The following CYSLTR2 variants were observed in gnomAD, a reference collection of about 807,000 sequenced individuals.
The protein encoded by CYSLTR2 is cysteinyl leukotriene receptor 2.
For synonymous variants in CYSLTR2, 179 were observed against 160.8 expected, an observed-to-expected ratio of 1.11 and a Z score of -0.86; for missense variants, 398 against 411.9, an observed-to-expected ratio of 0.97 and a Z score of 0.29.
chr13:48,693,070 AG>A (rs1336985306), intron 2 of CYSLTR2, among the ~76,000 whole-genome samples: 4 of 151,724 alleles, frequency 2.6e-5, no homozygotes, highest in Non-Finnish European at 5.9e-5. Context: ...AAAATTATAA[AG>A]GCATTTATTA....
chr13:48,708,124 A>C lies in CYSLTR2; in HGVS notation c.*266A>C. On this transcript the variant is annotated 3_prime_UTR_variant, in exon 5 of 5. Coordinates refer to ENST00000682523, the MANE Select transcript of CYSLTR2 (RefSeq NM_001308476.3). ...CAGACTGGGAAAAAATGCAAAGCAC[A>C]TTGGATCCTACTTTTCTTCAGATAT... 1 of 315,410 alleles carries C rather than the reference A, an allele frequency of 3.2e-6. No individual in the cohort carries two copies. Among genetic ancestry groups the C allele is most frequent in the Non-Finnish European group, 6.1e-6 (1 of 162,858 alleles). The allele number at this position is 315,410 out of a possible 1,614,324, so 19.5% of individuals were successfully genotyped here. A position where few individuals can be genotyped will look rare whatever the true frequency, so the allele number is the denominator to read the frequency against.
chr13:48,693,803 C>A (rs567099766), intron 3 of CYSLTR2, among the ~76,000 whole-genome samples: 1 of 152,322 alleles, frequency 6.6e-6, no homozygotes, highest in Admixed American at 6.5e-5. Context: ...GGGGCTATCA[C>A]CAACTTTAAA....
chr13:48,678,996 A>G, intron 1 of CYSLTR2, among the ~76,000 whole-genome samples: 1 of 152,034 alleles, frequency 6.6e-6, no homozygotes, highest in South Asian at 2.1e-4. Flanking sequence ...TGCTCTCCAC[A>G]TTTCAGAGGC....
chr13:48,681,056 A>G (rs959803324), intron 1 of CYSLTR2, among the ~76,000 whole-genome samples: 4 of 151,992 alleles, frequency 2.6e-5, no homozygotes, highest in African/African-American at 7.3e-5. Flanking sequence ...TGCTCTCAGT[A>G]TCAATGCCTC....
chr13:48,666,199 T>A (rs1485493075), intron 1 of CYSLTR2, among the ~76,000 whole-genome samples: 1 of 152,176 alleles, frequency 6.6e-6, no homozygotes, highest in Non-Finnish European at 1.5e-5. Context: ...AGGTTTTTTC[T>A]TTTGGTATGT....
Position 48,690,590 on chromosome 13 carries a change from G to A in CYSLTR2, c.-265-622G>A, listed in dbSNP as rs192547868. 5.9e-5 allele frequency among the ~76,000 whole-genome samples: 9 copies of A among 152,204 alleles called. No homozygotes were observed. In the East Asian group the frequency reaches 1.7e-3, roughly 29 times the overall value. ...TGCATATGTTGAACCAGTCTTGCATGCCAGGGCTGAAGCCAACTGGATCGT... is the reference window on the plus strand; with the variant it reads ...TGCATATGTTGAACCAGTCTTGCATACCAGGGCTGAAGCCAACTGGATCGT... On this transcript the variant is annotated intron_variant, in intron 1 of 4. Coordinates refer to ENST00000682523, the MANE Select transcript of CYSLTR2 (RefSeq NM_001308476.3).
At chr13:48,683,555 G>A (rs907429944) in intron 1 of CYSLTR2, among the ~76,000 whole-genome samples, 8 of 151,726 alleles carry the variant, frequency 5.3e-5, no homozygotes, top group African/African-American at 1.2e-4. Context: ...GTTTCTGTTC[G>A]TGTCCTTTGT....
chr13:48,670,534 A>G (rs1953397298), intron 1 of CYSLTR2, among the ~76,000 whole-genome samples: 2 of 152,222 alleles, frequency 1.3e-5, no homozygotes, highest in Admixed American at 1.3e-4. Flanking sequence ...TTAAATAGGA[A>G]ATCCCTTCCC....
At chr13:48,689,450 C>A (rs949012527) in intron 1 of CYSLTR2, among the ~76,000 whole-genome samples, 34 of 152,160 alleles carry the variant, frequency 2.2e-4, no homozygotes, top group Middle Eastern at 3.4e-3. Flanking sequence ...AGGAAGGAGT[C>A]CAGGTTCAGT....
At position 48,706,999 on chromosome 13, in the gene CYSLTR2, A is replaced by T. The variant is rs187430691; in HGVS notation, c.182A>T (p.Tyr61Phe). ...WGVLGNGLSI[Y>F]VFLQPYKKST... ...GTCTTGGGAAATGGGTTGTCCATAT[A>T]TGTTTTCCTGCAGCCTTATAAGAAG... Residue 61 changes from tyrosine (Y) to phenylalanine (F), a missense_variant, in exon 5 of 5, where the codon TAT (tyrosine) becomes TTT (phenylalanine). By Grantham distance (22) the Tyr-to-Phe change is conservative. Transcript: ENST00000682523. 6.2e-7 allele frequency: 1 copy of T among 1,614,120 alleles called. No individual in the cohort carries two copies. The highest frequency in any genetic ancestry group is 1.3e-5 in the African/African-American group (1 of 75,014).
intron 4 of CYSLTR2, among the ~76,000 whole-genome samples, chr13:48,698,109 C>A (rs894661960): frequency 2.0e-5 from 3 of 152,152 alleles, no homozygotes; most frequent in African/African-American, 7.2e-5. Flanking sequence ...AGGATATTAT[C>A]CAGGAGAACT....
intron 4 of CYSLTR2, 61 bp from the exon 5 acceptor site, chr13:48,706,756 G>A: frequency 1.5e-6 from 2 of 1,346,926 alleles, no homozygotes; most frequent in Admixed American, 2.0e-5. Flanking sequence ...TAATCAGTAA[G>A]CAAGAAGGAA....
In CYSLTR2 at chr13:48,705,606, AATATATATGTATATAAAGATATAC is replaced by A. The variant is rs779706597; in HGVS notation, c.-1-1202_-1-1179del. On this transcript the variant is annotated intron_variant, in intron 4 of 4. Transcript: ENST00000682523. ...TCTAGGTATTTCTCTCTATATATATAATATATATGTATATAAAGATATACATATATATATATCTTATGATAGTCT... is the reference window on the plus strand; with the variant it reads ...TCTAGGTATTTCTCTCTATATATATAATATATATATATCTTATGATAGTCT... 1.1e-3 allele frequency among the ~76,000 whole-genome samples: 163 copies of A among 148,758 alleles called. 1 individual carries two copies. Among genetic ancestry groups the A allele is most frequent in the Non-Finnish European group, 1.9e-3 (128 of 67,304 alleles).
intron 4 of CYSLTR2, among the ~76,000 whole-genome samples, chr13:48,700,322 C>T (rs553811663): frequency 2.6e-4 from 40 of 152,234 alleles, no homozygotes; most frequent in African/African-American, 8.9e-4. Context: ...TTATCCACCA[C>T]GATCAAGTTG....
At chr13:48,701,663 C>T (rs1355367520) in intron 4 of CYSLTR2, among the ~76,000 whole-genome samples, 1 of 152,138 alleles carries the variant, frequency 6.6e-6, no homozygotes, top group Non-Finnish European at 1.5e-5. Flanking sequence ...TGAAAAAATG[C>T]TCATCATCAC....
At chr13:48,657,944 G>A (rs1368188063) in intron 1 of CYSLTR2, among the ~76,000 whole-genome samples, 1 of 152,018 alleles carries the variant, frequency 6.6e-6, no homozygotes, top group African/African-American at 2.4e-5. Flanking sequence ...GAATAACATT[G>A]TATCCCAGAT....
intron 4 of CYSLTR2, chr13:48,706,543 T>A (rs1240302301): frequency 5.4e-6 from 2 of 370,182 alleles, no homozygotes; most frequent in African/African-American, 4.1e-5. Context: ...GTCAACAGGG[T>A]CAGTAGGTCA....
intron 1 of CYSLTR2, among the ~76,000 whole-genome samples, chr13:48,654,747 C>T (rs1223928110): frequency 2.0e-5 from 3 of 152,138 alleles, no homozygotes; most frequent in East Asian, 1.9e-4. Context: ...CAGAATCACC[C>T]GACTCTGAGG....
At position 48,710,503 on chromosome 13, in the gene CYSLTR2, C is replaced by G. The variant is rs1480003840; in HGVS notation, c.*2645C>G. The G allele has an allele frequency of 6.6e-6, 1 of 152,096 alleles. No individual in the cohort carries two copies. Among genetic ancestry groups the G allele is most frequent in the Admixed American group, 6.6e-5 (1 of 15,266 alleles). 9.4% of individuals were successfully genotyped at this position (152,096 alleles called of 1,614,324 possible). A position where few individuals can be genotyped will look rare whatever the true frequency, so the allele number is the denominator to read the frequency against. On this transcript the variant is annotated 3_prime_UTR_variant, in exon 5 of 5. Transcript: ENST00000682523. Reference sequence around the variant, plus strand: ...AGTAGTGATGCTGGCAAATAAGATACACCAAAGAGAAGCTGTAAAGTGCTT... The same window carrying G: ...AGTAGTGATGCTGGCAAATAAGATAGACCAAAGAGAAGCTGTAAAGTGCTT...
Sources: gnomAD v4.1 joint callset for allele counts (sites outside exome capture counted in the v4.1 genomes callset) on GRCh38, gnomAD v4.1.1 for gene constraint, MANE v1.5 for transcripts, NCBI Gene and HGNC (gene_info 2026-07-23, HGNC 2026-07-21) for gene names.